SLC13A3: variants seen among roughly 807,000 people sequenced by gnomAD.
The protein encoded by SLC13A3 is solute carrier family 13 member 3.
Under a neutral mutation model 59.0 loss-of-function variants are expected in SLC13A3, and 40 were observed. The ratio of observed to expected loss-of-function variants is 0.68; its 90% CI spans 0.53 to 0.88. The LOEUF is 0.88. Ranked by LOEUF, SLC13A3 falls within the 40% of genes least tolerant of loss-of-function variation. The pLI, the probability that SLC13A3 is intolerant of heterozygous loss-of-function variation, is 0.00. For synonymous variants in SLC13A3, 317 were observed against 330.3 expected, an observed-to-expected ratio of 0.96 and a Z score of 0.44; for missense variants, 699 against 783.2, an observed-to-expected ratio of 0.89 and a Z score of 1.28.
intron 10 of SLC13A3, 140 bp from the exon 11 acceptor site, chr20:46,566,530 G>A (rs112114087): frequency 1.4e-5 from 13 of 898,678 alleles, no homozygotes; most frequent in Admixed American, 9.8e-5. Context: ...GGGAGGTGAC[G>A]TGTCCAATGT....
At chr20:46,572,509 A>G (rs753957249) in intron 10 of SLC13A3, among the ~76,000 whole-genome samples, 17 of 152,052 alleles carry the variant, frequency 1.1e-4, no homozygotes, top group Non-Finnish European at 2.2e-4. Flanking sequence ...GAGCTTAGGG[A>G]AACCTCTGGA....
At chr20:46,626,117 CTCTCTG>C (rs1240453706) in intron 1 of SLC13A3, among the ~76,000 whole-genome samples, 3 of 150,508 alleles carry the variant, frequency 2.0e-5, no homozygotes, top group Non-Finnish European at 4.4e-5. Context: ...CTCTCTCTCT[CTCTCTG>C]TCTCTCTCTC....
chr20:46,584,386 G>A (rs2062171402), intron 8 of SLC13A3: 2 of 985,270 alleles, frequency 2.0e-6, no homozygotes, highest in South Asian at 4.7e-5. Flanking sequence ...AATTCAATAA[G>A]GAATTGGTTA....
intron 9 of SLC13A3, among the ~76,000 whole-genome samples, chr20:46,578,340 T>C (rs2062099332): frequency 6.6e-6 from 1 of 152,146 alleles, no homozygotes. Flanking sequence ...ATTTGTCTCC[T>C]TGGAGAACTT....
intron 1 of SLC13A3, among the ~76,000 whole-genome samples, chr20:46,664,822 C>A (rs1266563190): frequency 6.6e-6 from 1 of 152,138 alleles, no homozygotes; most frequent in Non-Finnish European, 1.5e-5. Flanking sequence ...ACAAAGGAAG[C>A]ATTCCAGGAA....
intron 4 of SLC13A3, among the ~76,000 whole-genome samples, chr20:46,599,070 T>C (rs1217257976): frequency 6.6e-6 from 1 of 152,186 alleles, no homozygotes; most frequent in Non-Finnish European, 1.5e-5. Flanking sequence ...CCCCCACCCT[T>C]TTCCTGCTTT....
intron 1 of SLC13A3, among the ~76,000 whole-genome samples, chr20:46,684,050 G>A (rs374950369): frequency 1.3e-5 from 2 of 152,060 alleles, no homozygotes. Flanking sequence ...TGCAGGATCC[G>A]GCCCCGCCTC....
rs2061903879 is a variant in SLC13A3 at position 46,558,596 on chromosome 20, G to GT, written c.*1425dup. 1 of 152,206 alleles carries GT rather than the reference G, an allele frequency of 6.6e-6. No individual in the cohort carries two copies. Among genetic ancestry groups the GT allele is most frequent in the Non-Finnish European group, 1.5e-5 (1 of 68,074 alleles). 9.4% of individuals were successfully genotyped at this position (152,206 alleles called of 1,614,324 possible). On this transcript the variant is annotated 3_prime_UTR_variant, in exon 13 of 13. Coordinates refer to ENST00000279027, the MANE Select transcript of SLC13A3 (RefSeq NM_022829.6). ...GGTTGTAACTGTGATTCAACACTGA[G>GT]TGCTCACTTGGAAAGGAGGTGGAGC...
At chr20:46,589,319 C>A (rs183298805) in intron 6 of SLC13A3, 64 bp from the exon 7 acceptor site, 4 of 1,364,162 alleles carry the variant, frequency 2.9e-6, no homozygotes, top group South Asian at 1.2e-5. Flanking sequence ...TCACCTACAA[C>A]AAGCACCACC....
At chr20:46,586,786 A>G (rs74998422) in intron 8 of SLC13A3, among the ~76,000 whole-genome samples, 196 of 152,290 alleles carry the variant, frequency 1.3e-3, no homozygotes, top group African/African-American at 4.5e-3. Flanking sequence ...CACTCAAGCC[A>G]TCCCCCAGAC....
chr20:46,596,381 G>T, intron 4 of SLC13A3, 39 bp from the exon 5 acceptor site: 1 of 1,589,892 alleles, frequency 6.3e-7, no homozygotes, highest in Non-Finnish European at 8.6e-7. Flanking sequence ...CAGAATACAT[G>T]GAGAACAGGC....
intron 1 of SLC13A3, among the ~76,000 whole-genome samples, chr20:46,634,581 A>T (rs56111513): frequency 0.014 from 2,112 of 150,728 alleles, 27 homozygotes; most frequent in Middle Eastern, 0.034. Context: ...TCATTAGTGG[A>T]TGTTGTGACA....
In SLC13A3 at chr20:46,678,574, C is replaced by A. The variant is rs115258239; in HGVS notation, c.-31+5822G>T. Reference sequence around the variant, plus strand: ...GGCCTCCAGATTGCTGCTGAACCTCCGGTTATTGCCATTGCATTGAAAAGC... The same window carrying A: ...GGCCTCCAGATTGCTGCTGAACCTCAGGTTATTGCCATTGCATTGAAAAGC... On this transcript the variant is annotated intron_variant, in intron 1 of 6. Coordinates refer to the SLC13A3 transcript ENST00000372121. 9.5e-4 allele frequency among the ~76,000 whole-genome samples: 144 copies of A among 152,254 alleles called. 1 individual carries two copies. Among genetic ancestry groups the A allele is most frequent in the African/African-American group, 3.4e-3 (141 of 41,552 alleles).
intron 9 of SLC13A3, among the ~76,000 whole-genome samples, chr20:46,576,158 C>T (rs1011223417): frequency 2.0e-5 from 3 of 150,924 alleles, no homozygotes; most frequent in African/African-American, 7.3e-5. Context: ...GGACAGTGGG[C>T]GGGGGAGTCA....
chr20:46,637,261 T>C (rs901162682), intron 1 of SLC13A3, among the ~76,000 whole-genome samples: 2 of 148,698 alleles, frequency 1.3e-5, no homozygotes, highest in African/African-American at 2.5e-5. Flanking sequence ...CCGGCCTGTT[T>C]CCAAGCCCCT....
intron 3 of SLC13A3, chr20:46,609,016 G>A (rs955606902): frequency 5.8e-6 from 9 of 1,550,636 alleles, no homozygotes; most frequent in African/African-American, 1.4e-5. Context: ...GGAGCTTGAA[G>A]TTTCAGCCTT....
At position 46,613,514 on chromosome 20, in the gene SLC13A3, A is replaced by G; in HGVS notation, c.323T>C (p.Leu108Pro). The G allele has an allele frequency of 6.2e-7, 1 of 1,612,930 alleles. No homozygotes were observed. The highest frequency in any genetic ancestry group is 8.5e-7 in the Non-Finnish European group (1 of 1,179,398). ...IMASAIEEWNLHRRIALKILM... is the reference protein window; with the variant it reads ...IMASAIEEWNPHRRIALKILM... ...GATCTTGAGGGCGATTCGCCGGTGC[A>G]GGTTCCACTCCTCAATGGCGCTGGC... Residue 108 changes from leucine to proline, a missense_variant, in exon 2 of 13, where the codon CTG becomes CCG. Leu to Pro is a moderately conservative substitution (Grantham distance 98, BLOSUM62 -3). Transcript: ENST00000279027.
intron 9 of SLC13A3, 57 bp from the exon 10 acceptor site, chr20:46,575,742 C>T: frequency 1.8e-6 from 2 of 1,083,912 alleles, no homozygotes; most frequent in African/African-American, 3.2e-5. Context: ...GAGGCAGAGG[C>T]CACCAGCCCT....
chr20:46,679,613 C>CAAAAAAAAAAA (rs370410835), intron 1 of SLC13A3, among the ~76,000 whole-genome samples: 1 of 122,632 alleles, frequency 8.2e-6, no homozygotes, highest in East Asian at 2.8e-4. Context: ...GACTCCGTCT[C>CAAAAAAAAAAA]AAAAAAAAAA....
Sources: gnomAD v4.1 joint callset for allele counts (sites outside exome capture counted in the v4.1 genomes callset) on GRCh38, gnomAD v4.1.1 for gene constraint, MANE v1.5 for transcripts, NCBI Gene and HGNC (gene_info 2026-07-23, HGNC 2026-07-21) for gene names.